The following ZNF268 variants were observed in gnomAD, a reference collection of about 807,000 sequenced individuals.
The protein encoded by ZNF268 is zinc finger protein 3.
A neutral mutation model predicts 29.3 loss-of-function variants in ZNF268; 20 were observed. The ratio of observed to expected loss-of-function variants is 0.68; its 90% CI spans 0.48 to 0.99. The LOEUF is 0.99. ZNF268 is among the 50% of genes least tolerant of loss of function. ZNF268 has a pLI of 0.00. For missense variants in ZNF268, 1,240 were observed against 1,121.6 expected, an observed-to-expected ratio of 1.11 and a Z score of -1.51; for synonymous variants, 429 against 376.9, an observed-to-expected ratio of 1.14 and a Z score of -1.60.
Position 133,205,686 on chromosome 12 carries a change from A to T in ZNF268, c.*1156A>T, listed in dbSNP as rs1242766980. The T allele has an allele frequency of 6.6e-6, 1 of 152,176 alleles. No homozygotes were observed. The highest frequency in any genetic ancestry group is 1.5e-5 in the Non-Finnish European group (1 of 68,032). 9.4% of individuals were successfully genotyped at this position (152,176 alleles called of 1,614,324 possible). On this transcript the variant is annotated 3_prime_UTR_variant, in exon 6 of 6. Coordinates refer to ENST00000536435, the MANE Select transcript of ZNF268 (RefSeq NM_003415.3). ...CCCTTTGGAAGCAGTCTTGGCAGCA[A>T]CCTCTTTAGTAATCAATATAAGGCA...
Position 133,181,987 on chromosome 12 carries a change from T to C in ZNF268, c.-11T>C. 6.4e-7 allele frequency: 1 copy of C among 1,564,172 alleles called. No homozygotes were observed. The highest frequency in any genetic ancestry group is 1.2e-5 in the South Asian group (1 of 84,742). The stretch of plus-strand genomic sequence containing the variant: ...TCACTTCCAGCGAGGCACACAAAAC[T>C]GACCGTAGGGATGGCCACCAGGGTC... On this transcript the variant is annotated 5_prime_UTR_variant, in exon 2 of 6. Transcript: ENST00000536435.
chr12:133,211,121 T>G lies in ZNF268; in HGVS notation c.*6591T>G, dbSNP rs1384841068. Reference sequence around the variant, plus strand: ...GACAAAAGTCAAGTGATTTCCTATATATTTGAAATAATGTATAGCAATAAT... The same window carrying G: ...GACAAAAGTCAAGTGATTTCCTATAGATTTGAAATAATGTATAGCAATAAT... On this transcript the variant is annotated 3_prime_UTR_variant, in exon 6 of 6. Coordinates refer to ENST00000536435, the MANE Select transcript of ZNF268 (RefSeq NM_003415.3). 2 of 420,284 alleles carry G rather than the reference T, an allele frequency of 4.8e-6. No individual in the cohort carries two copies. The highest frequency in any genetic ancestry group is 9.7e-6 in the Non-Finnish European group (2 of 205,682). 26.0% of individuals were successfully genotyped at this position (420,284 alleles called of 1,614,324 possible). A position where few individuals can be genotyped will look rare whatever the true frequency, so the allele number is the denominator to read the frequency against.
chr12:133,203,977 A>T lies in ZNF268; in HGVS notation c.2291A>T (p.Lys764Ile). The change falls in exon 6 of 6, where the codon AAA becomes ATA. Residue 764 changes from lysine (K) to isoleucine (I), a missense_variant. Lys to Ile is a moderately radical substitution (Grantham distance 102). Around this residue, in one of 3 missense-constraint regions of ZNF268, gnomAD observed 1,177 missense variants for 1,039.6 expected, o/e 1.13. Coordinates refer to ENST00000536435, the MANE Select transcript of ZNF268 (RefSeq NM_003415.3). ...GAATGTGGGAAAGCCTTTAATAGGA[A>T]AGACCAGCTCATTTCACATCAGCGA... is the stretch of plus-strand genomic sequence containing the variant. The part of the protein sequence containing the change: ...CSECGKAFNR[K>I]DQLISHQRTH... The T allele has an allele frequency of 6.3e-7, 1 of 1,590,708 alleles. No individual in the cohort carries two copies. Among genetic ancestry groups the T allele is most frequent in the Non-Finnish European group, 8.5e-7 (1 of 1,170,506 alleles).
Position 133,203,506 on chromosome 12 carries a change from C to T in ZNF268, c.1820C>T (p.Thr607Ile). 5.8e-6 allele frequency: 9 copies of T among 1,545,080 alleles called. No individual in the cohort carries two copies. The highest frequency in any genetic ancestry group is 7.8e-6 in the Non-Finnish European group (9 of 1,149,428). The change falls in exon 6 of 6, where the codon ACA becomes ATA. Residue 607 changes from threonine to isoleucine, a missense_variant. Physicochemically the swap from Thr to Ile is moderately conservative, Grantham distance 89. Around this residue, in one of 3 missense-constraint regions of ZNF268, gnomAD observed 1,177 missense variants for 1,039.6 expected, o/e 1.13. Coordinates refer to ENST00000536435, the MANE Select transcript of ZNF268 (RefSeq NM_003415.3). ...CTTATTATACACCAGAGAACTCATA[C>T]AGGGGAGAAACCATTTGAATGTAGT... ...SQLIIHQRTH[T>I]GEKPFECSEC...
Position 133,207,906 on chromosome 12 carries a change from A to C in ZNF268, c.*3376A>C, listed in dbSNP as rs1055129391. The C allele has an allele frequency of 6.6e-6, 1 of 152,220 alleles. No homozygotes were observed. Among genetic ancestry groups the C allele is most frequent in the Non-Finnish European group, 1.5e-5 (1 of 68,036 alleles). The allele number at this position is 152,220 out of a possible 1,614,324, so 9.4% of individuals were successfully genotyped here. A position where few individuals can be genotyped will look rare whatever the true frequency, so the allele number is the denominator to read the frequency against. ...AGGATTATCTCAGTATATGCTGATA[A>C]ATCACTTGATGGAATTTAACACCCA... is the stretch of plus-strand genomic sequence containing the variant. On this transcript the variant is annotated 3_prime_UTR_variant, in exon 6 of 6. Transcript: ENST00000536435.
intron 3 of ZNF268, among the ~76,000 whole-genome samples, chr12:133,189,954 T>C (rs1249875707): frequency 2.0e-5 from 3 of 152,040 alleles, no homozygotes; most frequent in East Asian, 1.9e-4. Flanking sequence ...ACTACAGGCA[T>C]GTGCCACCAT....
intron 2 of ZNF268, chr12:133,184,890 T>G: frequency 6.6e-6 from 2 of 304,010 alleles, no homozygotes; most frequent in South Asian, 5.0e-5. Flanking sequence ...TAAATGGAAT[T>G]TAGTGGTGAT....
At chr12:133,190,431 TC>T (rs1956436448) in intron 3 of ZNF268, among the ~76,000 whole-genome samples, 1 of 152,228 alleles carries the variant, frequency 6.6e-6, no homozygotes, top group Admixed American at 6.5e-5. Flanking sequence ...GAATAAGAGT[TC>T]CTATTGCTCC....
chr12:133,189,730 A>G (rs1383333304), intron 3 of ZNF268, among the ~76,000 whole-genome samples: 5 of 152,150 alleles, frequency 3.3e-5, no homozygotes, highest in African/African-American at 1.2e-4. Flanking sequence ...AAAAAAGGAC[A>G]GTTTTGTTTC....
chr12:133,191,763 T>C, intron 4 of ZNF268, 145 bp from the exon 5 acceptor site: 1 of 1,427,372 alleles, frequency 7.0e-7, no homozygotes, highest in Non-Finnish European at 9.8e-7. Flanking sequence ...GGCAGCAGAG[T>C]ATGCCAGTTG....
At chr12:133,199,667 G>A (rs1956702636) in intron 5 of ZNF268, among the ~76,000 whole-genome samples, 1 of 151,940 alleles carries the variant, frequency 6.6e-6, no homozygotes, top group African/African-American at 2.4e-5. Flanking sequence ...ATCTGGTCCT[G>A]GACTCTTTTT....
At chr12:133,191,748 C>A in intron 4 of ZNF268, 133 bp downstream of exon 4, 1 of 1,471,866 alleles carries the variant, frequency 6.8e-7, no homozygotes, top group Non-Finnish European at 9.4e-7. Flanking sequence ...TCTTAGTTCC[C>A]TATTGGCAGC....
At chr12:133,186,049 T>TA (rs1956306447) in intron 2 of ZNF268, among the ~76,000 whole-genome samples, 2 of 152,178 alleles carry the variant, frequency 1.3e-5, no homozygotes, top group South Asian at 2.1e-4. Context: ...ATTATCACCT[T>TA]AAAACTTCAC....
intron 5 of ZNF268, among the ~76,000 whole-genome samples, chr12:133,197,109 C>T (rs979227730): frequency 1.3e-5 from 2 of 149,964 alleles, no homozygotes; most frequent in Non-Finnish European, 3.0e-5. Flanking sequence ...CATATGTGTA[C>T]ATGTGCCATG....
In ZNF268 at chr12:133,205,783, C is replaced by G. The variant is rs563748073; in HGVS notation, c.*1253C>G. 1 of 152,178 alleles carries G rather than the reference C, an allele frequency of 6.6e-6. No homozygotes were observed. The highest frequency in any genetic ancestry group is 2.4e-5 in the African/African-American group (1 of 41,438). 9.4% of individuals were successfully genotyped at this position (152,178 alleles called of 1,614,324 possible). ...TTAGAACATCTTGATTTCCTCTTAA[C>G]GAAACATTCCCTAACGGTGTATGTA... On this transcript the variant is annotated 3_prime_UTR_variant, in exon 6 of 6. Transcript: ENST00000536435.
chr12:133,188,195 AC>A, intron 3 of ZNF268, 123 bp downstream of exon 3: 5 of 872,730 alleles, frequency 5.7e-6, no homozygotes, highest in Non-Finnish European at 6.7e-6. Flanking sequence ...TCAGTTCAAA[AC>A]CCCCCCACTT....
chr12:133,191,409 A>T (rs530043667), intron 3 of ZNF268, 80 bp from the exon 4 acceptor site: 78 of 1,551,806 alleles, frequency 5.0e-5, no homozygotes, highest in Non-Finnish European at 6.7e-5. Flanking sequence ...GTTAAACATA[A>T]ATAATGGACA....
In ZNF268 at chr12:133,212,615, C is replaced by T. The variant is rs1263411501; in HGVS notation, c.*8085C>T. The T allele has an allele frequency of 1.3e-5, 2 of 151,612 alleles. No homozygotes were observed. The highest frequency in any genetic ancestry group is 2.9e-5 in the Non-Finnish European group (2 of 67,914). The allele number at this position is 151,612 out of a possible 1,614,324, so 9.4% of individuals were successfully genotyped here. On this transcript the variant is annotated 3_prime_UTR_variant, in exon 6 of 6. Coordinates refer to ENST00000536435, the MANE Select transcript of ZNF268 (RefSeq NM_003415.3). ...CATTTTAACTATTTTTAAGTGTACA[C>T]TTCAGTGGCATGAAGTACATTATTT...
intron 2 of ZNF268, among the ~76,000 whole-genome samples, chr12:133,185,804 G>C (rs541688258): frequency 6.6e-6 from 1 of 152,200 alleles, no homozygotes; most frequent in Non-Finnish European, 1.5e-5. Context: ...ATTTTGTGTA[G>C]TGTGGTAGAA....
Sources: allele counts gnomAD v4.1 joint callset (sites outside exome capture counted in the v4.1 genomes callset), GRCh38; gene constraint gnomAD v4.1.1; regional missense constraint gnomAD v4.1.1; transcripts MANE v1.5; gene names NCBI Gene and HGNC (gene_info 2026-07-23, HGNC 2026-07-21).